The following KATNIP variants were observed in gnomAD, a reference collection of about 807,000 sequenced individuals.
The protein encoded by KATNIP is katanin interacting protein.
KATNIP carries 126 observed loss-of-function variants against 174.0 expected under a neutral mutation model. The observed-to-expected ratio is 0.72, with a 90% confidence interval of 0.63 to 0.84. The LOEUF (loss-of-function observed/expected upper bound fraction) is 0.84. Among genes scored for constraint, KATNIP ranks in the 40% least tolerant of loss-of-function variants. KATNIP has a pLI of 0.00. For missense variants in KATNIP, 1,958 were observed against 2,109.7 expected, an observed-to-expected ratio of 0.93 and a Z score of 1.41; for synonymous variants, 810 against 835.7, an observed-to-expected ratio of 0.97 and a Z score of 0.53.
At position 27,754,166 on chromosome 16, in the gene KATNIP, TG is replaced by T; in HGVS notation, c.3553-6del. The stretch of plus-strand genomic sequence containing the variant: ...CCTTTTCCTCTGCTTCTCCAACCCA[TG>T]TGCAGATCCCGGAGCTAGAGCTCCC... On this transcript the variant is annotated splice_polypyrimidine_tract_variant and splice_region_variant and intron_variant, in intron 17 of 27. Coordinates refer to ENST00000261588, the MANE Select transcript of KATNIP (RefSeq NM_015202.5). 1 of 1,613,472 alleles carries T rather than the reference TG, an allele frequency of 6.2e-7. No individual in the cohort carries two copies. Among genetic ancestry groups the T allele is most frequent in the Non-Finnish European group, 8.5e-7 (1 of 1,179,434 alleles).
chr16:27,611,992 C>T (rs1303489953), intron 2 of KATNIP, among the ~76,000 whole-genome samples: 3 of 152,058 alleles, frequency 2.0e-5, no homozygotes, highest in Non-Finnish European at 2.9e-5. Context: ...AGTCTGGGAG[C>T]GGAGGCTAGA....
intron 20 of KATNIP, among the ~76,000 whole-genome samples, chr16:27,768,797 C>A (rs939886328): frequency 3.9e-5 from 6 of 152,140 alleles, no homozygotes; most frequent in African/African-American, 1.4e-4. Context: ...AACGAGGGGC[C>A]CCAGGGGCAC....
intron 15 of KATNIP, among the ~76,000 whole-genome samples, chr16:27,748,220 C>T (rs71389805): frequency 0.017 from 2,514 of 152,322 alleles, 28 homozygotes; most frequent in Non-Finnish European, 0.025. Flanking sequence ...ACCTGGGACA[C>T]AGGCTTTAGC....
intron 2 of KATNIP, among the ~76,000 whole-genome samples, chr16:27,589,070 ATT>A (rs755208446): frequency 7.9e-5 from 10 of 126,736 alleles, no homozygotes; most frequent in Non-Finnish European, 6.9e-5. Context: ...TAATTTTTGT[ATT>A]TTTTTTTTTT....
In KATNIP at chr16:27,691,565, C is replaced by T. The variant is rs572935478; in HGVS notation, c.941-6763C>T. Among the ~76,000 whole-genome samples the T allele has an allele frequency of 6.9e-4, 105 of 152,268 alleles. 1 individual carries two copies. The highest frequency in any genetic ancestry group is 2.4e-3 in the African/African-American group (100 of 41,550). On this transcript the variant is annotated intron_variant, in intron 8 of 27. Coordinates refer to ENST00000261588, the MANE Select transcript of KATNIP (RefSeq NM_015202.5). ...TTAAAAGGTGGTTACCTCGTGTGCA[C>T]GTGTGTGCGGTGTGAGGGAGTGCAC...
At chr16:27,626,298 T>A (rs933147022) in intron 3 of KATNIP, among the ~76,000 whole-genome samples, 2 of 151,702 alleles carry the variant, frequency 1.3e-5, no homozygotes, top group African/African-American at 2.4e-5. Context: ...GTGTTGGACA[T>A]TTGGGTTGCT....
At chr16:27,619,471 C>T (rs916103862) in intron 3 of KATNIP, among the ~76,000 whole-genome samples, 1 of 152,078 alleles carries the variant, frequency 6.6e-6, no homozygotes, top group Admixed American at 6.6e-5. Context: ...TCTGTGTTAT[C>T]GGAGTGGGCT....
chr16:27,708,803 A>C lies in KATNIP; in HGVS notation c.1488A>C (p.Thr496=), dbSNP rs770021348. 1 of 1,614,058 alleles carries C rather than the reference A, an allele frequency of 6.2e-7. No individual in the cohort carries two copies. Residue 496 remains threonine (T), a synonymous_variant, in exon 13 of 28, where the codon ACA becomes ACC. Transcript: ENST00000261588. ...GCAACTCGTGGTGGGTGGGTCTCACAGAAGTCGAGTTCTTTGACTTGAATG... is the reference window on the plus strand; with the variant it reads ...GCAACTCGTGGTGGGTGGGTCTCACCGAAGTCGAGTTCTTTGACTTGAATG... ...NWGNSWWVGL[T]EVEFFDLNDT...
At chr16:27,640,662 G>A (rs753625954) in intron 5 of KATNIP, among the ~76,000 whole-genome samples, 10 of 146,780 alleles carry the variant, frequency 6.8e-5, no homozygotes, top group African/African-American at 2.5e-4. Flanking sequence ...CTTGAGGGCA[G>A]GGCATTGGTT....
chr16:27,611,246 G>A (rs61660747), intron 2 of KATNIP, among the ~76,000 whole-genome samples: 2,486 of 152,242 alleles, frequency 0.016, 60 homozygotes, highest in African/African-American at 0.056. Flanking sequence ...AGCCCTGATC[G>A]CATATGCAAG....
chr16:27,609,524 G>C (rs565941443), intron 2 of KATNIP, among the ~76,000 whole-genome samples: 6 of 151,310 alleles, frequency 4.0e-5, no homozygotes, highest in Non-Finnish European at 7.4e-5. Flanking sequence ...CCAAGTAGCT[G>C]GGACTACAGG....
At chr16:27,710,486 A>G (rs545100561) in intron 13 of KATNIP, among the ~76,000 whole-genome samples, 1 of 152,296 alleles carries the variant, frequency 6.6e-6, no homozygotes, top group East Asian at 1.9e-4. Context: ...AGTAGCAGCC[A>G]CGTCATCTTT....
rs546746568 is a variant in KATNIP at position 27,776,009 on chromosome 16, T to A, written c.4450-919T>A. 6.6e-6 allele frequency among the ~76,000 whole-genome samples: 1 copy of A among 152,276 alleles called. No homozygotes were observed. Among genetic ancestry groups the A allele is most frequent in the East Asian group, 1.9e-4 (1 of 5,174 alleles). On this transcript the variant is annotated intron_variant, in intron 24 of 27. Transcript: ENST00000261588. The surrounding 1 kb of genome is among the most constrained non-coding windows in gnomAD (Gnocchi z 4.7). ...GCCACCCACTGACGGCCAGCGGGTA[T>A]TTTCCATTGTCTAGCACTGGAAGGC...
intron 3 of KATNIP, among the ~76,000 whole-genome samples, chr16:27,625,502 G>A (rs1283485539): frequency 2.0e-5 from 3 of 152,222 alleles, no homozygotes; most frequent in Non-Finnish European, 4.4e-5. Flanking sequence ...TGCAAGCGTA[G>A]CTATTGCTGT....
chr16:27,766,990 A>G (rs1597409763), intron 20 of KATNIP, among the ~76,000 whole-genome samples: 1 of 152,048 alleles, frequency 6.6e-6, no homozygotes, highest in African/African-American at 2.4e-5. Flanking sequence ...TTTCCGTGTG[A>G]TGTTTTGCTG....
At chr16:27,645,990 G>A (rs2076946283) in intron 5 of KATNIP, among the ~76,000 whole-genome samples, 1 of 152,190 alleles carries the variant, frequency 6.6e-6, no homozygotes, top group Non-Finnish European at 1.5e-5. Flanking sequence ...AGAGAGCATT[G>A]TCTCCAAAGC....
Position 27,648,692 on chromosome 16 carries a change from A to T in KATNIP, c.497A>T (p.Asp166Val). 1 of 1,614,164 alleles carries T rather than the reference A, an allele frequency of 6.2e-7. No homozygotes were observed. Among genetic ancestry groups the T allele is most frequent in the Non-Finnish European group, 8.5e-7 (1 of 1,180,040 alleles). The stretch of plus-strand genomic sequence containing the variant: ...TCTGATGATTTTGAGCTGTGTGGGG[A>T]TGTGACTCTCCAGGCAAACAACACT... ...DYSDDFELCG[D>V]VTLQANNTSE... The change falls in exon 6 of 28, where the codon GAT becomes GTT. Residue 166 changes from aspartate (D) to valine (V), a missense_variant. By Grantham distance (152) the Asp-to-Val change is radical (BLOSUM62 -3). Coordinates refer to ENST00000261588, the MANE Select transcript of KATNIP (RefSeq NM_015202.5).
Position 27,777,532 on chromosome 16 carries a change from G to T in KATNIP, c.4552-78G>T. On this transcript the variant is annotated intron_variant, in intron 25 of 27. Transcript: ENST00000261588. The surrounding 1 kb of genome is among the most constrained non-coding windows in gnomAD (Gnocchi z 4.4). ...TTCCCGAGGAGAAAGCCTTGGCTCA[G>T]AGCAGTAACGCGTTCTGCCCAAGGT... is the stretch of plus-strand genomic sequence containing the variant. 1 of 1,393,068 alleles carries T rather than the reference G, an allele frequency of 7.2e-7. No homozygotes were observed. The allele number at this position is 1,393,068 out of a possible 1,614,324, so 86.3% of individuals were successfully genotyped here.
At chr16:27,726,719 A>T (rs1474417521) in intron 14 of KATNIP, among the ~76,000 whole-genome samples, 1 of 152,228 alleles carries the variant, frequency 6.6e-6, no homozygotes, top group Non-Finnish European at 1.5e-5. Context: ...GCTTGGAGCC[A>T]GGTGGCCAGA....
Sources: allele counts gnomAD v4.1 joint callset (sites outside exome capture counted in the v4.1 genomes callset), GRCh38; gene constraint gnomAD v4.1.1; non-coding constraint Gnocchi (gnomAD v3.1); transcripts MANE v1.5; gene names NCBI Gene and HGNC (gene_info 2026-07-23, HGNC 2026-07-21).